The following UBR2 variants were observed in gnomAD, a reference collection of about 807,000 sequenced individuals.
The protein encoded by UBR2 is E3 ubiquitin-protein ligase UBR2.
In UBR2, 92 loss-of-function variants were observed where a neutral mutation model predicts 247.9. That is an observed-to-expected ratio of 0.37 (90% CI 0.31 to 0.44). UBR2 has a LOEUF of 0.44. Ranked by LOEUF, UBR2 falls within the 20% of genes least tolerant of loss-of-function variation. UBR2 has a pLI of 1.00. For synonymous variants in UBR2, 672 were observed against 693.5 expected (o/e 0.97, Z 0.49); for missense variants, 1,613 against 2,112.6 (o/e 0.76, Z 4.64).
chr6:42,578,516 A>G (rs1468076627), intron 2 of UBR2, among the ~76,000 whole-genome samples: 1 of 152,052 alleles, frequency 6.6e-6, no homozygotes, highest in Non-Finnish European at 1.5e-5. Flanking sequence ...TACGTTTTTT[A>G]GGGTGATTTT....
intron 32 of UBR2, among the ~76,000 whole-genome samples, 176 bp downstream of exon 32, chr6:42,663,595 G>C (rs556353577): frequency 2.6e-5 from 4 of 152,286 alleles, no homozygotes; most frequent in African/African-American, 9.6e-5. Context: ...AGTTTTTAGA[G>C]AGGAACAGGT....
At chr6:42,593,161 G>A (rs1393749670) in intron 3 of UBR2, among the ~76,000 whole-genome samples, 5 of 152,086 alleles carry the variant, frequency 3.3e-5, no homozygotes, top group African/African-American at 4.8e-5. Flanking sequence ...GCGACAGAGC[G>A]AGACTCCATC....
intron 21 of UBR2, 60 bp from the exon 22 acceptor site, chr6:42,648,058 A>G (rs1422640242): frequency 2.1e-6 from 3 of 1,409,278 alleles, no homozygotes; most frequent in Non-Finnish European, 3.0e-6. Context: ...ATAAAACACA[A>G]TGCTAAGAGT....
chr6:42,606,460 A>C, intron 6 of UBR2, 129 bp from the exon 7 acceptor site: 1 of 748,390 alleles, frequency 1.3e-6, no homozygotes, highest in Admixed American at 3.0e-5. Context: ...ATCAATGAGT[A>C]GGATGAGCAT....
Position 42,658,815 on chromosome 6 carries a change from T to G in UBR2, c.3233T>G (p.Leu1078Arg), listed in dbSNP as rs1797595774. 3.9e-6 allele frequency: 6 copies of G among 1,537,390 alleles called. No individual in the cohort carries two copies. Among genetic ancestry groups the G allele is most frequent in the Non-Finnish European group, 5.2e-6 (6 of 1,152,920 alleles). ...CTGGATGCCTCAACCTCTGCTGTTC[T>G]TGATCATAGGTAAAAAAAAAAAAAA... ...LELDASTSAV[L>R]DHSPVASDMT... The change falls in exon 29 of 47, where the codon CTT becomes CGT. Residue 1078 changes from leucine to arginine, a missense_variant. Physicochemically the swap from Leu to Arg is moderately radical, Grantham distance 102. Transcript: ENST00000372901.
chr6:42,614,224 ACACACACACACACACACACACG>A (rs1794301106), intron 8 of UBR2, among the ~76,000 whole-genome samples: 1 of 69,348 alleles, frequency 1.4e-5, no homozygotes, highest in African/African-American at 4.4e-5. Flanking sequence ...ATATACACAC[ACACACACACACACACACACACG>A]CGCGCACATA....
At position 42,691,039 on chromosome 6, in the gene UBR2, A is replaced by G. The variant is rs779882044; in HGVS notation, c.5134A>G (p.Asn1712Asp). Residue 1712 changes from asparagine to aspartate, a missense_variant, in exon 47 of 47, where the codon AAT (asparagine) becomes GAT (aspartate). Asn to Asp is a conservative substitution (Grantham distance 23). Around this residue, in one of 3 missense-constraint regions of UBR2, gnomAD observed 80 missense variants for 108.6 expected, o/e 0.74. Coordinates refer to ENST00000372901, the MANE Select transcript of UBR2 (RefSeq NM_001363705.2). ...GETDQGLRRG[N>D]PLHLCKERFK... ...TGTGTCTTCTCTTTCTAGACGGGGA[A>G]ATCCTTTACATTTATGCAAAGAGCG... 3 of 1,613,954 alleles carry G rather than the reference A, an allele frequency of 1.9e-6. No individual in the cohort carries two copies. The highest frequency in any genetic ancestry group is 1.3e-5 in the African/African-American group (1 of 75,030).
intron 1 of UBR2, among the ~76,000 whole-genome samples, chr6:42,567,401 A>G (rs184491947): frequency 5.9e-5 from 9 of 152,318 alleles, no homozygotes; most frequent in Admixed American, 5.9e-4. Flanking sequence ...TATACTACAT[A>G]TGGTTATAGT....
intron 15 of UBR2, among the ~76,000 whole-genome samples, chr6:42,638,491 G>A (rs1194541595): frequency 6.6e-6 from 1 of 152,014 alleles, no homozygotes; most frequent in Admixed American, 6.6e-5. Context: ...GTTATTCCTA[G>A]ACATATGAAT....
At chr6:42,593,135 C>T (rs1018098718) in intron 3 of UBR2, among the ~76,000 whole-genome samples, 1 of 152,160 alleles carries the variant, frequency 6.6e-6, no homozygotes, top group Non-Finnish European at 1.5e-5. Context: ...GATCACACCA[C>T]TGCACTCCAG....
intron 2 of UBR2, among the ~76,000 whole-genome samples, chr6:42,574,436 T>C (rs1791367358): frequency 1.3e-5 from 2 of 152,216 alleles, no homozygotes; most frequent in Admixed American, 6.5e-5. Context: ...CACTTTGTAC[T>C]TGCTCTGACC....
intron 42 of UBR2, among the ~76,000 whole-genome samples, chr6:42,681,835 A>G (rs1370329751): frequency 6.6e-6 from 1 of 152,250 alleles, no homozygotes; most frequent in Admixed American, 6.5e-5. Context: ...TAGCCAAAAA[A>G]TGGAACCAAC....
intron 38 of UBR2, 110 bp from the exon 39 acceptor site, chr6:42,675,946 G>T: frequency 7.0e-7 from 1 of 1,430,952 alleles, no homozygotes. Flanking sequence ...AACAGAGTAA[G>T]ACTCTGTCTC....
At position 42,600,949 on chromosome 6, in the gene UBR2, G is replaced by A. The variant is rs975568879; in HGVS notation, c.532-2639G>A. ...TGGGATTATAGGCATGAGCCACCAT[G>A]TTCGGCCTAGAATATATTTTGGAAC... On this transcript the variant is annotated intron_variant, in intron 4 of 46. Transcript: ENST00000372901. Among the ~76,000 whole-genome samples the A allele has an allele frequency of 7.9e-5, 12 of 152,172 alleles. 1 individual carries two copies. The highest frequency in any genetic ancestry group is 2.6e-4 in the Admixed American group (4 of 15,280).
At chr6:42,574,051 C>A in intron 2 of UBR2, 58 bp downstream of exon 2, 1 of 1,446,314 alleles carries the variant, frequency 6.9e-7, no homozygotes, top group Non-Finnish European at 9.1e-7. Context: ...CTCTTTTTTT[C>A]CCTGGAACTT....
intron 38 of UBR2, among the ~76,000 whole-genome samples, 191 bp downstream of exon 38, chr6:42,674,384 C>T (rs554500736): frequency 8.5e-5 from 13 of 152,236 alleles, no homozygotes; most frequent in African/African-American, 2.9e-4. Flanking sequence ...ACCTGGTTAT[C>T]GAGACGTCCT....
At chr6:42,640,004 G>C (rs112084225) in intron 15 of UBR2, among the ~76,000 whole-genome samples, 2 of 152,160 alleles carry the variant, frequency 1.3e-5, no homozygotes, top group African/African-American at 4.8e-5. Flanking sequence ...CTCCAGCCGG[G>C]TGACAGAGCG....
rs2152000357 is a variant in UBR2 at position 42,691,267 on chromosome 6, CT to C, written c.*97del. 6.6e-7 allele frequency: 1 copy of C among 1,521,388 alleles called. No individual in the cohort carries two copies. The highest frequency in any genetic ancestry group is 2.1e-5 in the Admixed American group (1 of 47,596). 94.2% of individuals were successfully genotyped at this position (1,521,388 alleles called of 1,614,324 possible). A position where few individuals can be genotyped will look rare whatever the true frequency, so the allele number is the denominator to read the frequency against. ...GTTCTGCTGAATTTGGAAATAAATT[CT>C]TTATTTAAACTTTCCTTCCCAGTTT... On this transcript the variant is annotated 3_prime_UTR_variant, in exon 47 of 47. Transcript: ENST00000372901.
At chr6:42,607,137 G>C (rs1166606723) in intron 7 of UBR2, among the ~76,000 whole-genome samples, 1 of 150,628 alleles carries the variant, frequency 6.6e-6, no homozygotes, top group East Asian at 1.9e-4. Flanking sequence ...CCATGTAACT[G>C]AATTTTATGT....
Sources: gnomAD v4.1 joint callset for allele counts (sites outside exome capture counted in the v4.1 genomes callset) on GRCh38, gnomAD v4.1.1 for gene constraint, gnomAD v4.1.1 regional missense constraint, MANE v1.5 for transcripts, NCBI Gene and HGNC (gene_info 2026-07-23, HGNC 2026-07-21) for gene names.